CRPPA: variants seen among roughly 807,000 people sequenced by gnomAD.
CRPPA encodes CDP-L-ribitol pyrophosphorylase A, also known as D-ribitol-5-phosphate cytidylyltransferase.
In CRPPA, 43 loss-of-function variants were observed where a neutral mutation model predicts 52.0. The observed-to-expected ratio is 0.83, with a 90% CI of 0.65 to 1.07. CRPPA has a LOEUF of 1.07. Ranked by LOEUF, CRPPA falls within the 50% of genes least tolerant of loss-of-function variation. The pLI, the probability that CRPPA is intolerant of heterozygous loss-of-function variation, is 0.00. For synonymous variants in CRPPA, 250 were observed against 203.5 expected, an observed-to-expected ratio of 1.23 and a Z score of -1.94; for missense variants, 629 against 551.7, an observed-to-expected ratio of 1.14 and a Z score of -1.40.
At chr7:16,308,224 CT>C (rs1474401729) in intron 4 of CRPPA, among the ~76,000 whole-genome samples, 1 of 152,228 alleles carries the variant, frequency 6.6e-6, no homozygotes, top group South Asian at 2.1e-4. Context: ...ATTACCAAGT[CT>C]CAGGTATTTC....
At chr7:16,270,313 T>G (rs987486385) in intron 6 of CRPPA, 2 of 152,110 alleles carry the variant, frequency 1.3e-5, no homozygotes, top group African/African-American at 4.8e-5. Context: ...TTCAACAGGT[T>G]CCTGTATTTC....
At chr7:16,204,002 A>G (rs1281986413) in intron 9 of CRPPA, among the ~76,000 whole-genome samples, 2 of 152,190 alleles carry the variant, frequency 1.3e-5, no homozygotes, top group Non-Finnish European at 2.9e-5. Context: ...TTTTAAGGAT[A>G]CTGGTTAAAA....
intron 3 of CRPPA, among the ~76,000 whole-genome samples, chr7:16,359,755 T>C (rs1203280121): frequency 3.3e-4 from 50 of 152,118 alleles, no homozygotes; most frequent in Admixed American, 3.2e-3. Context: ...CTACTGCTTA[T>C]GAGATAATAA....
At chr7:16,122,443 A>G (rs923651112) in intron 9 of CRPPA, among the ~76,000 whole-genome samples, 5 of 152,090 alleles carry the variant, frequency 3.3e-5, no homozygotes, top group Admixed American at 1.3e-4. Context: ...TCTTTATAAG[A>G]ACATGTTATA....
At position 16,286,097 on chromosome 7, in the gene CRPPA, A is replaced by AAAAATATATATATATAT; in HGVS notation, c.836-7872_836-7871insATATATATATATATTTT. 1.4e-3 allele frequency among the ~76,000 whole-genome samples: 53 copies of AAAAATATATATATATAT among 39,112 alleles called. 3 individuals are homozygous for AAAAATATATATATATAT. The highest frequency in any genetic ancestry group is 1.8e-3 in the Non-Finnish European group (44 of 24,642). 25.7% of individuals were successfully genotyped at this position (39,112 alleles called of 152,430 possible). A position where few individuals can be genotyped will look rare whatever the true frequency, so the allele number is the denominator to read the frequency against. ...TATATATATAATATTTAAAAAAAAAAATATATATATATATATATATGCCAA... is the reference window on the plus strand; with the variant it reads ...TATATATATAATATTTAAAAAAAAAAAAAATATATATATATATATATATATATATATATATATGCCAA... On this transcript the variant is annotated intron_variant, in intron 5 of 9. Coordinates refer to ENST00000407010, the MANE Select transcript of CRPPA (RefSeq NM_001101426.4).
intron 3 of CRPPA, among the ~76,000 whole-genome samples, chr7:16,328,703 TG>T (rs1484530410): frequency 6.6e-6 from 1 of 152,072 alleles, no homozygotes; most frequent in Non-Finnish European, 1.5e-5. Context: ...TTAGTAGACA[TG>T]GGGTTTCACC....
chr7:16,278,254 T>A (rs1267169594), intron 5 of CRPPA, 28 bp from the exon 6 acceptor site: 5 of 1,207,866 alleles, frequency 4.1e-6, no homozygotes, highest in Non-Finnish European at 5.9e-6. Context: ...AAGTTTTAAG[T>A]TTCAAACAAA....
intron 2 of CRPPA, among the ~76,000 whole-genome samples, chr7:16,382,036 G>T (rs1451710850): frequency 6.6e-6 from 1 of 151,696 alleles, no homozygotes; most frequent in African/African-American, 2.4e-5. Context: ...CTGTCATGAT[G>T]ATGTTAGCTG....
intron 6 of CRPPA, among the ~76,000 whole-genome samples, chr7:16,259,481 GA>G (rs1297886984): frequency 1.3e-5 from 2 of 151,954 alleles, no homozygotes; most frequent in Non-Finnish European, 2.9e-5. Context: ...ATAAGTGAGA[GA>G]GAATTAAGAC....
intron 9 of CRPPA, among the ~76,000 whole-genome samples, chr7:16,176,484 A>G (rs1251927952): frequency 6.6e-6 from 1 of 152,152 alleles, no homozygotes. Context: ...ACCATTACAC[A>G]CCTATGAGAA....
intron 3 of CRPPA, among the ~76,000 whole-genome samples, chr7:16,342,652 C>T (rs1484599655): frequency 6.7e-6 from 1 of 149,808 alleles, no homozygotes; most frequent in East Asian, 2.0e-4. Flanking sequence ...CAGTGGATCA[C>T]ACCAGTAATG....
intron 4 of CRPPA, among the ~76,000 whole-genome samples, chr7:16,305,423 T>C (rs965888239): frequency 6.6e-6 from 1 of 152,224 alleles, no homozygotes; most frequent in Admixed American, 6.5e-5. Context: ...ATTATTCAAA[T>C]CTCATTCATA....
intron 9 of CRPPA, among the ~76,000 whole-genome samples, chr7:16,204,679 C>T (rs764366619): frequency 9.2e-5 from 14 of 152,046 alleles, no homozygotes; most frequent in Non-Finnish European, 1.9e-4. Context: ...AGCCACCATA[C>T]CTAAGTCAAA....
At chr7:16,277,999 T>C in intron 6 of CRPPA, 130 bp downstream of exon 6, 1 of 644,770 alleles carries the variant, frequency 1.6e-6, no homozygotes, top group Admixed American at 2.9e-5. Context: ...CCAAAGGATC[T>C]CATTGAGGCA....
intron 2 of CRPPA, among the ~76,000 whole-genome samples, chr7:16,385,619 A>T (rs1189435942): frequency 6.6e-6 from 1 of 152,112 alleles, no homozygotes; most frequent in African/African-American, 2.4e-5. Flanking sequence ...AGTAGCAACA[A>T]ATGTTCAGCC....
intron 2 of CRPPA, among the ~76,000 whole-genome samples, chr7:16,385,780 C>A (rs1041691557): frequency 2.6e-5 from 4 of 151,922 alleles, no homozygotes; most frequent in Admixed American, 6.6e-5. Flanking sequence ...GTTCCCTGAC[C>A]CCCCCTCACA....
intron 9 of CRPPA, among the ~76,000 whole-genome samples, chr7:16,136,527 C>T (rs1406590462): frequency 1.3e-5 from 2 of 152,158 alleles, no homozygotes; most frequent in Non-Finnish European, 2.9e-5. Flanking sequence ...AAGAAGGACC[C>T]AATTACAAAC....
At chr7:16,406,487 CCAGTA>C in intron 1 of CRPPA, 150 bp from the exon 2 acceptor site, 2 of 650,114 alleles carry the variant, frequency 3.1e-6, no homozygotes, top group Non-Finnish European at 5.2e-6. Context: ...CTCGTTAGGT[CCAGTA>C]AAGAGGCTGA....
chr7:16,298,427 AG>A (rs1784718129), intron 5 of CRPPA, among the ~76,000 whole-genome samples: 1 of 152,236 alleles, frequency 6.6e-6, no homozygotes, highest in African/African-American at 2.4e-5. Context: ...CATTTGCTTT[AG>A]AACTCTCAAA....
Sources: allele counts gnomAD v4.1 joint callset (sites outside exome capture counted in the v4.1 genomes callset), GRCh38; gene constraint gnomAD v4.1.1; transcripts MANE v1.5; gene names NCBI Gene and HGNC (gene_info 2026-07-23, HGNC 2026-07-21).